ASTN2: variants seen among roughly 807,000 people sequenced by gnomAD.
The protein encoded by ASTN2 is astrotactin-2.
ASTN2 carries 54 observed loss-of-function variants against 139.8 expected under a neutral mutation model. That is an observed-to-expected ratio of 0.39 (90% CI 0.31 to 0.48). ASTN2 has a LOEUF of 0.48. Among genes scored for constraint, ASTN2 ranks in the 20% least tolerant of loss-of-function variants. The pLI is 0.95. For synonymous variants in ASTN2, 756 were observed against 719.5 expected (o/e 1.05, Z -0.81); for missense variants, 1,565 against 1,725.1 (o/e 0.91, Z 1.64).
chr9:116,547,502 A>G (rs1852149346), intron 19 of ASTN2: 1 of 152,202 alleles, frequency 6.6e-6, no homozygotes. Context: ...ATCAGGCTGA[A>G]TTGAGTTTGA....
chr9:116,904,771 C>T (rs994589025), intron 10 of ASTN2, among the ~76,000 whole-genome samples: 2 of 152,138 alleles, frequency 1.3e-5, no homozygotes, highest in Admixed American at 6.5e-5. Flanking sequence ...AAGAAATTCA[C>T]GACAAACAGG....
At position 116,838,112 on chromosome 9, in the gene ASTN2, T is replaced by G. The variant is rs943824943; in HGVS notation, c.2041-17329A>C. 7.2e-4 allele frequency among the ~76,000 whole-genome samples: 96 copies of G among 133,862 alleles called. 1 individual carries two copies. Among genetic ancestry groups the G allele is most frequent in the Admixed American group, 1.4e-3 (18 of 13,250 alleles). 87.8% of individuals were successfully genotyped at this position (133,862 alleles called of 152,430 possible). A position where few individuals can be genotyped will look rare whatever the true frequency, so the allele number is the denominator to read the frequency against. On this transcript the variant is annotated intron_variant, in intron 11 of 22. Transcript: ENST00000313400. ...TTCTGCCTGGCTGTGTTTTTTTTTGTTTTGTTTTGTTTTTTGAGACAGAGT... is the reference window on the plus strand; with the variant it reads ...TTCTGCCTGGCTGTGTTTTTTTTTGGTTTGTTTTGTTTTTTGAGACAGAGT...
intron 16 of ASTN2, among the ~76,000 whole-genome samples, chr9:116,667,014 G>A (rs1024393404): frequency 2.8e-5 from 4 of 144,490 alleles, no homozygotes; most frequent in South Asian, 2.2e-4. Context: ...GGGGTGTAGC[G>A]GTGTGATCTT....
chr9:116,670,613 A>T (rs1393927585), intron 16 of ASTN2, among the ~76,000 whole-genome samples: 1 of 152,154 alleles, frequency 6.6e-6, no homozygotes, highest in South Asian at 2.1e-4. Context: ...AGTCTTACAG[A>T]TGTCAGTTGA....
intron 13 of ASTN2, among the ~76,000 whole-genome samples, chr9:116,803,808 G>A (rs1790223444): frequency 6.6e-6 from 1 of 151,296 alleles, no homozygotes; most frequent in East Asian, 1.9e-4. Context: ...ACAGGTGTGA[G>A]CCACCACACC....
intron 4 of ASTN2, among the ~76,000 whole-genome samples, chr9:117,126,785 T>C (rs1198561830): frequency 6.6e-6 from 1 of 152,228 alleles, no homozygotes; most frequent in African/African-American, 2.4e-5. Flanking sequence ...GAGTGATTGA[T>C]TGACTGTCTG....
chr9:116,586,773 T>C (rs1334004125), intron 19 of ASTN2, among the ~76,000 whole-genome samples: 1 of 146,510 alleles, frequency 6.8e-6, no homozygotes, highest in African/African-American at 2.5e-5. Flanking sequence ...CCTGAACATG[T>C]ACCCCTTGAA....
At chr9:116,686,563 G>C (rs1860220528) in intron 16 of ASTN2, 1 of 887,712 alleles carries the variant, frequency 1.1e-6, no homozygotes, top group Non-Finnish European at 1.8e-6. Flanking sequence ...AGCCAGTCCT[G>C]TATCAGACCT....
At chr9:117,057,384 G>A (rs568692063) in intron 5 of ASTN2, among the ~76,000 whole-genome samples, 1 of 152,316 alleles carries the variant, frequency 6.6e-6, no homozygotes, top group South Asian at 2.1e-4. Context: ...AGACAGGGTA[G>A]TGGTGGTTCC....
intron 13 of ASTN2, among the ~76,000 whole-genome samples, chr9:116,796,818 GTTTTGTT>G (rs1830703937): frequency 6.6e-6 from 1 of 151,968 alleles, no homozygotes; most frequent in Non-Finnish European, 1.5e-5. Context: ...TAAATGTTTT[GTTTTGTT>G]TTTTGAGACA....
At chr9:117,244,761 A>AGG (rs1313171088) in intron 2 of ASTN2, among the ~76,000 whole-genome samples, 2 of 131,546 alleles carry the variant, frequency 1.5e-5, no homozygotes, top group African/African-American at 6.0e-5. Context: ...GGAGGGAGGG[A>AGG]GAGAGGGAAG....
intron 1 of ASTN2, among the ~76,000 whole-genome samples, chr9:117,399,822 C>T (rs776475580): frequency 2.6e-5 from 4 of 152,118 alleles, no homozygotes; most frequent in Non-Finnish European, 5.9e-5. Flanking sequence ...AAAATTCATC[C>T]CCTATGCTAA....
intron 10 of ASTN2, among the ~76,000 whole-genome samples, chr9:116,879,973 A>G (rs1833409858): frequency 6.6e-6 from 1 of 152,230 alleles, no homozygotes; most frequent in Admixed American, 6.5e-5. Flanking sequence ...ATTTATCAAA[A>G]TGTATTTAAA....
intron 2 of ASTN2, among the ~76,000 whole-genome samples, chr9:117,243,641 G>T (rs1024071041): frequency 1.3e-5 from 2 of 152,136 alleles, no homozygotes; most frequent in Admixed American, 1.3e-4. Context: ...TTGGCTCGAA[G>T]AATTAAATGA....
intron 19 of ASTN2, among the ~76,000 whole-genome samples, chr9:116,560,543 ATCAT>A (rs1217344336): frequency 6.6e-6 from 1 of 152,052 alleles, no homozygotes; most frequent in Non-Finnish European, 1.5e-5. Flanking sequence ...CTATCAGTCC[ATCAT>A]TCCAGCTTCC....
Position 116,674,774 on chromosome 9 carries a change from A to C in ASTN2, c.2807-22981T>G, listed in dbSNP as rs575384642. On this transcript the variant is annotated intron_variant, in intron 16 of 22. Coordinates refer to ENST00000313400, the MANE Select transcript of ASTN2 (RefSeq NM_001365068.1). ...CTTGTGGCCCTGGACTCAGGAACTG[A>C]CTCAGTGCAAGGAGACAGCTTCAAC... 2.6e-5 allele frequency among the ~76,000 whole-genome samples: 4 copies of C among 152,096 alleles called. No individual in the cohort carries two copies. The East Asian group carries it at 7.8e-4, about 30-fold the overall frequency.
At chr9:116,889,164 G>A (rs1189099655) in intron 10 of ASTN2, among the ~76,000 whole-genome samples, 1 of 152,118 alleles carries the variant, frequency 6.6e-6, no homozygotes, top group Non-Finnish European at 1.5e-5. Flanking sequence ...GATTACAGAT[G>A]TGAGCCATTC....
At chr9:116,763,472 A>T (rs765207449) in intron 13 of ASTN2, among the ~76,000 whole-genome samples, 3 of 152,064 alleles carry the variant, frequency 2.0e-5, no homozygotes, top group Non-Finnish European at 4.4e-5. Flanking sequence ...CAAATACCCA[A>T]AACTTCTTCT....
Position 116,740,760 on chromosome 9 carries a change from C to T in ASTN2, c.2397-7237G>A, listed in dbSNP as rs548324085. Among the ~76,000 whole-genome samples, 29 of 151,816 alleles carry T rather than the reference C, an allele frequency of 1.9e-4. No individual in the cohort carries two copies. The Middle Eastern group carries it at 0.017, about 89-fold the overall frequency. Reference sequence around the variant, plus strand: ...CTATCTCCTGACCTCGGGATCTGCCCGTGTCAGCCTCTCAAAGTGCTGGGA... The same window carrying T: ...CTATCTCCTGACCTCGGGATCTGCCTGTGTCAGCCTCTCAAAGTGCTGGGA... On this transcript the variant is annotated intron_variant, in intron 13 of 22. Transcript: ENST00000313400.
Sources: allele counts gnomAD v4.1 joint callset (sites outside exome capture counted in the v4.1 genomes callset), GRCh38; gene constraint gnomAD v4.1.1; transcripts MANE v1.5; gene names NCBI Gene and HGNC (gene_info 2026-07-23, HGNC 2026-07-21).